Variants in PACRG observed in about 807,000 individuals in gnomAD.
PACRG encodes parkin coregulated, also known as parkin coregulated gene protein.
A neutral mutation model predicts 29.7 loss-of-function variants in PACRG; 29 were observed. The observed-to-expected ratio is 0.98, with a 90% CI of 0.73 to 1.33. The LOEUF (loss-of-function observed/expected upper bound fraction) is 1.33. Among genes scored for constraint, PACRG ranks in the 40% most tolerant of loss-of-function variants. PACRG has a pLI of 0.00. For synonymous variants in PACRG, 116 were observed against 118.7 expected, an observed-to-expected ratio of 0.98 and a Z score of 0.15; for missense variants, 279 against 316.2, an observed-to-expected ratio of 0.88 and a Z score of 0.89.
At chr6:163,226,750 A>G (rs1242648633) in intron 4 of PACRG, among the ~76,000 whole-genome samples, 1 of 152,146 alleles carries the variant, frequency 6.6e-6, no homozygotes, top group South Asian at 2.1e-4. Flanking sequence ...GCCTGGGGAG[A>G]ACCTGTTCTC....
chr6:162,831,424 A>G (rs563291108), intron 2 of PACRG, among the ~76,000 whole-genome samples: 1 of 152,326 alleles, frequency 6.6e-6, no homozygotes, highest in East Asian at 1.9e-4. Context: ...ATCTTGAATA[A>G]GGTGAAATCA....
At chr6:162,787,399 G>C (rs1404579757) in intron 1 of PACRG, among the ~76,000 whole-genome samples, 1 of 150,582 alleles carries the variant, frequency 6.6e-6, no homozygotes, top group Non-Finnish European at 1.5e-5. Flanking sequence ...ACTAGCAGGG[G>C]GTCTCACATA....
intron 4 of PACRG, among the ~76,000 whole-genome samples, chr6:163,157,757 T>C (rs1778384048): frequency 6.6e-6 from 1 of 152,254 alleles, no homozygotes. Context: ...GCACTCGGCT[T>C]GGAAGATTCT....
rs1396780757 is a variant in PACRG, at chr6:163,279,261, A to G, written c.614-35566A>G. Among the ~76,000 whole-genome samples, 5 of 152,250 alleles carry G rather than the reference A, an allele frequency of 3.3e-5. No homozygotes were observed. In the East Asian group the frequency reaches 9.7e-4, roughly 29 times the overall value. Reference sequence around the variant, plus strand: ...GATGAGTCTTGGGTTTTCGAGGTATACCATCATTATCAGCAGCAAACAGCA... The same window carrying G: ...GATGAGTCTTGGGTTTTCGAGGTATGCCATCATTATCAGCAGCAAACAGCA... On this transcript the variant is annotated intron_variant, in intron 4 of 4. Coordinates refer to ENST00000366888, the MANE Select transcript of PACRG (RefSeq NM_001080379.2).
At chr6:162,951,284 G>C (rs1266491929) in intron 2 of PACRG, among the ~76,000 whole-genome samples, 1 of 152,202 alleles carries the variant, frequency 6.6e-6, no homozygotes, top group Non-Finnish European at 1.5e-5. Context: ...TTATGCAAAT[G>C]AAAGATTGAA....
chr6:162,918,860 T>C (rs1796874727), intron 2 of PACRG, among the ~76,000 whole-genome samples: 1 of 152,188 alleles, frequency 6.6e-6, no homozygotes, highest in Non-Finnish European at 1.5e-5. Flanking sequence ...AGTAATTTTA[T>C]TGGGTTCATA....
chr6:163,028,595 A>C (rs1807361659), intron 2 of PACRG, among the ~76,000 whole-genome samples: 1 of 152,236 alleles, frequency 6.6e-6, no homozygotes, highest in Non-Finnish European at 1.5e-5. Flanking sequence ...TGAAATATGA[A>C]AAATATATTT....
intron 1 of PACRG, among the ~76,000 whole-genome samples, chr6:162,786,002 C>A (rs565921934): frequency 1.3e-5 from 2 of 152,184 alleles, no homozygotes; most frequent in African/African-American, 4.8e-5. Context: ...AGAGTAATTG[C>A]GCAAGGTCTT....
chr6:163,136,989 G>C (rs1164026734), intron 4 of PACRG, among the ~76,000 whole-genome samples: 5 of 152,156 alleles, frequency 3.3e-5, no homozygotes, highest in South Asian at 4.1e-4. Context: ...AAGATGAATA[G>C]TTTAAACGGA....
At chr6:163,207,833 CA>C (rs2128152799) in intron 4 of PACRG, among the ~76,000 whole-genome samples, 1 of 152,232 alleles carries the variant, frequency 6.6e-6, no homozygotes, top group Non-Finnish European at 1.5e-5. Context: ...CTTATTTTTG[CA>C]ATAAAAATAT....
chr6:163,132,087 C>T (rs2128329692), intron 4 of PACRG, among the ~76,000 whole-genome samples: 1 of 152,280 alleles, frequency 6.6e-6, no homozygotes, highest in African/African-American at 2.4e-5. Flanking sequence ...CATTATAATA[C>T]TAGCTTACTA....
intron 1 of PACRG, among the ~76,000 whole-genome samples, chr6:162,744,698 A>G (rs1183189056): frequency 6.6e-6 from 1 of 152,134 alleles, no homozygotes; most frequent in Non-Finnish European, 1.5e-5. Context: ...CCTTCTGTTT[A>G]TTTTCTATAT....
intron 1 of PACRG, among the ~76,000 whole-genome samples, chr6:162,761,499 G>A (rs985120771): frequency 1.3e-5 from 2 of 152,154 alleles, no homozygotes; most frequent in African/African-American, 4.8e-5. Context: ...TCTACTGTCT[G>A]TGCTATGCAG....
intron 4 of PACRG, among the ~76,000 whole-genome samples, chr6:163,149,677 C>G (rs975445299): frequency 1.3e-5 from 2 of 152,254 alleles, no homozygotes; most frequent in African/African-American, 2.4e-5. Flanking sequence ...CGCTCCTATC[C>G]TTCGCACTCC....
At chr6:163,083,793 T>A (rs1208255797) in intron 3 of PACRG, among the ~76,000 whole-genome samples, 1 of 152,210 alleles carries the variant, frequency 6.6e-6, no homozygotes, top group Non-Finnish European at 1.5e-5. Flanking sequence ...TTTTGTTTGC[T>A]TTTGCCTTTT....
chr6:162,956,195 G>A (rs1400680957), intron 2 of PACRG, among the ~76,000 whole-genome samples: 1 of 152,140 alleles, frequency 6.6e-6, no homozygotes, highest in Admixed American at 6.5e-5. Flanking sequence ...GGATCAAAGA[G>A]AACAAGAGCA....
rs76455292 is a variant in PACRG at position 162,882,832 on chromosome 6, C to T, written c.291+68551C>T. Among the ~76,000 whole-genome samples, 567 of 152,320 alleles carry T rather than the reference C, an allele frequency of 3.7e-3. 3 individuals carry two copies. Among genetic ancestry groups the T allele is most frequent in the African/African-American group, 0.013 (543 of 41,574 alleles). On this transcript the variant is annotated intron_variant, in intron 2 of 4. Coordinates refer to ENST00000366888, the MANE Select transcript of PACRG (RefSeq NM_001080379.2). The stretch of plus-strand genomic sequence containing the variant: ...GAATTATTTCCATTGTGCTCACTCG[C>T]GTCTTCCCCACTTTAGCAGGCTTAC...
chr6:162,765,089 T>TATCATCATC (rs916804518), intron 1 of PACRG, among the ~76,000 whole-genome samples: 22 of 151,972 alleles, frequency 1.4e-4, no homozygotes, highest in African/African-American at 5.1e-4. Context: ...CATACCTATT[T>TATCATCATC]ATCATCATCA....
chr6:163,228,441 C>G (rs1781895936), intron 4 of PACRG, among the ~76,000 whole-genome samples: 1 of 146,638 alleles, frequency 6.8e-6, no homozygotes, highest in South Asian at 2.1e-4. Flanking sequence ...ACCTGGCACA[C>G]AGCGGAGGCT....
Sources: allele counts gnomAD v4.1 joint callset (sites outside exome capture counted in the v4.1 genomes callset), GRCh38; gene constraint gnomAD v4.1.1; transcripts MANE v1.5; gene names NCBI Gene and HGNC (gene_info 2026-07-23, HGNC 2026-07-21).